The following CYP27C1 variants were observed in gnomAD, a reference collection of about 807,000 sequenced individuals.
The protein encoded by CYP27C1 is cytochrome P450 27C1.
Under a neutral mutation model 40.6 loss-of-function variants are expected in CYP27C1, and 29 were observed. The ratio of observed to expected loss-of-function variants is 0.71; its 90% CI spans 0.53 to 0.97. The LOEUF is 0.97. Among genes scored for constraint, CYP27C1 ranks in the 50% least tolerant of loss-of-function variants. The pLI is 0.00. For synonymous variants in CYP27C1, 198 were observed against 186.8 expected, an observed-to-expected ratio of 1.06 and a Z score of -0.49; for missense variants, 390 against 485.8, an observed-to-expected ratio of 0.80 and a Z score of 1.85.
rs1206033386 is a variant in CYP27C1 at position 127,183,991 on chromosome 2, A to C, written c.*3280T>G. The C allele has an allele frequency of 6.6e-6, 1 of 152,326 alleles. No individual in the cohort carries two copies. The highest frequency in any genetic ancestry group is 1.9e-4 in the East Asian group (1 of 5,196). The allele number at this position is 152,326 out of a possible 1,614,324, so 9.4% of individuals were successfully genotyped here. A position where few individuals can be genotyped will look rare whatever the true frequency, so the allele number is the denominator to read the frequency against. On this transcript the variant is annotated 3_prime_UTR_variant, in exon 9 of 9. Transcript: ENST00000664447. This position sits in a 1 kb window ranked among gnomAD's most constrained non-coding sequence, Gnocchi z 5.1. ...CCTCCCGCAGCCTCCCCACCTTCCC[A>C]CACACACAATACCCACCTCCTGCAG...
At chr2:127,188,142 T>C (rs903904521) in intron 8 of CYP27C1, among the ~76,000 whole-genome samples, 1 of 152,118 alleles carries the variant, frequency 6.6e-6, no homozygotes. Context: ...TTTCAGCCCA[T>C]TTGGAAAGGG....
chr2:127,214,837 A>T (rs1683399135), intron 1 of CYP27C1, among the ~76,000 whole-genome samples: 1 of 141,572 alleles, frequency 7.1e-6, no homozygotes, highest in South Asian at 2.2e-4. Context: ...AAAAAAAAAG[A>T]CTTAGTACAG....
chr2:127,211,664 C>T (rs1342996822), intron 1 of CYP27C1, among the ~76,000 whole-genome samples: 4 of 152,002 alleles, frequency 2.6e-5, no homozygotes, highest in Non-Finnish European at 5.9e-5. Flanking sequence ...GGATTACAGG[C>T]GTGAGCCACT....
chr2:127,215,663 C>T (rs1377205635), intron 1 of CYP27C1, among the ~76,000 whole-genome samples: 1 of 152,040 alleles, frequency 6.6e-6, no homozygotes, highest in African/African-American at 2.4e-5. Flanking sequence ...TGAGCCCAGC[C>T]TAGGCAACAT....
chr2:127,210,196 A>T (rs1056853453), intron 1 of CYP27C1, among the ~76,000 whole-genome samples: 2 of 152,232 alleles, frequency 1.3e-5, no homozygotes, highest in African/African-American at 2.4e-5. Context: ...GCCAGAAGAG[A>T]TTGGGGGCCA....
chr2:127,195,299 A>G lies in CYP27C1; in HGVS notation c.1214+36T>C. ...TGATAGAGAACCAGGGACCTAAGGG[A>G]CACAGTTTGTTGACGGATTCTGGCG... On this transcript the variant is annotated intron_variant, in intron 6 of 8. Transcript: ENST00000664447. This position sits in a 1 kb window ranked among gnomAD's most constrained non-coding sequence, Gnocchi z 6.2. 6.2e-7 allele frequency: 1 copy of G among 1,613,340 alleles called. No individual in the cohort carries two copies. The highest frequency in any genetic ancestry group is 8.5e-7 in the Non-Finnish European group (1 of 1,179,580).
At chr2:127,198,184 G>GACACACACACACAC (rs1205361557) in intron 5 of CYP27C1, among the ~76,000 whole-genome samples, 6 of 56,196 alleles carry the variant, frequency 1.1e-4, no homozygotes, top group African/African-American at 3.9e-4. Flanking sequence ...GGAATTTGTT[G>GACACACACACACAC]ATACACACAC....
At chr2:127,213,676 T>G (rs1166764344) in intron 1 of CYP27C1, among the ~76,000 whole-genome samples, 3 of 152,086 alleles carry the variant, frequency 2.0e-5, no homozygotes, top group African/African-American at 7.2e-5. Flanking sequence ...CAAGATGAAT[T>G]AAAGACTTAA....
At chr2:127,203,660 A>C (rs933476821) in intron 2 of CYP27C1, 89 bp from the exon 3 acceptor site, 1 of 1,384,850 alleles carries the variant, frequency 7.2e-7, no homozygotes, top group East Asian at 2.3e-5. Context: ...AATTTCAGCC[A>C]TAAAGAATCA....
At position 127,196,734 on chromosome 2, in the gene CYP27C1, T is replaced by C. The variant is rs748413266; in HGVS notation, c.1048-1233A>G. 2.0e-5 allele frequency among the ~76,000 whole-genome samples: 3 copies of C among 152,170 alleles called. No homozygotes were observed. The highest frequency in any genetic ancestry group is 1.5e-5 in the Non-Finnish European group (1 of 68,034). On this transcript the variant is annotated intron_variant, in intron 5 of 8. Coordinates refer to ENST00000664447, the MANE Select transcript of CYP27C1 (RefSeq NM_001367502.1). This position sits in a 1 kb window ranked among gnomAD's most constrained non-coding sequence, Gnocchi z 4.5. Reference sequence around the variant, plus strand: ...ACATTTTTATGGAAAAAATGTGGTATATCCATACAATGGAATACTACTTAG... The same window carrying C: ...ACATTTTTATGGAAAAAATGTGGTACATCCATACAATGGAATACTACTTAG...
At chr2:127,214,854 C>T (rs1206596493) in intron 1 of CYP27C1, among the ~76,000 whole-genome samples, 6 of 133,712 alleles carry the variant, frequency 4.5e-5, no homozygotes, top group African/African-American at 1.7e-4. Context: ...ACAGGCCGGG[C>T]GCAGTGGCTC....
rs1364202442 is a variant in CYP27C1 at position 127,204,528 on chromosome 2, A to G, written c.474-957T>C. Among the ~76,000 whole-genome samples the G allele has an allele frequency of 4.9e-3, 204 of 41,984 alleles. 9 individuals carry two copies. The highest frequency in any genetic ancestry group is 7.6e-3 in the Admixed American group (24 of 3,162). 27.5% of individuals were successfully genotyped at this position (41,984 alleles called of 152,430 possible). On this transcript the variant is annotated intron_variant, in intron 2 of 8. Coordinates refer to ENST00000664447, the MANE Select transcript of CYP27C1 (RefSeq NM_001367502.1). ...AGGAAAGAAAGAAGGAAAGAAAGAA[A>G]GAAAGAAAGAGAGAGAGAGAGAGAG... is the stretch of plus-strand genomic sequence containing the variant.
intron 3 of CYP27C1, among the ~76,000 whole-genome samples, chr2:127,202,945 A>T (rs941897025): frequency 3.9e-5 from 6 of 152,072 alleles, no homozygotes; most frequent in South Asian, 4.2e-4. Context: ...AAGGCGGGCG[A>T]ATCACGAGGT....
At chr2:127,189,029 G>A (rs938164622) in intron 8 of CYP27C1, among the ~76,000 whole-genome samples, 7 of 152,104 alleles carry the variant, frequency 4.6e-5, no homozygotes, top group African/African-American at 1.4e-4. Flanking sequence ...ATTCCCATGC[G>A]GTAGAGGGAA....
rs1682914335 is a variant in CYP27C1 at position 127,196,804 on chromosome 2, A to C, written c.1048-1303T>G. On this transcript the variant is annotated intron_variant, in intron 5 of 8. Transcript: ENST00000664447. This position sits in a 1 kb window ranked among gnomAD's most constrained non-coding sequence, Gnocchi z 4.5. ...ACTGTTCTATGCCACCACATGAATG[A>C]ACCTGAGTCATTCTTCTGAGTGCAG... is the stretch of plus-strand genomic sequence containing the variant. Among the ~76,000 whole-genome samples the C allele has an allele frequency of 6.6e-6, 1 of 152,238 alleles. No homozygotes were observed.
rs1683517902 is a variant in CYP27C1, at chr2:127,220,040, G to A, written c.231C>T (p.Asn77=). 6.6e-6 allele frequency: 1 copy of A among 151,888 alleles called. No individual in the cohort carries two copies. The highest frequency in any genetic ancestry group is 1.5e-5 in the Non-Finnish European group (1 of 67,934). 9.4% of individuals were successfully genotyped at this position (151,888 alleles called of 1,614,324 possible). A position where few individuals can be genotyped will look rare whatever the true frequency, so the allele number is the denominator to read the frequency against. Reference sequence around the variant, plus strand: ...CGTCCCTGCAGAAGAACTCCGCCAGGTTGGCGAGGGTCCTCGGCCCCGGCA... The same window carrying A: ...CGTCCCTGCAGAAGAACTCCGCCAGATTGGCGAGGGTCCTCGGCCCCGGCA... ...AAMPGPRTLA[N]LAEFFCRDGF... is the part of the protein sequence containing the mutation. Residue 77 remains asparagine, a synonymous_variant, in exon 1 of 9, where the codon AAC becomes AAT. Transcript: ENST00000664447. The surrounding 1 kb of genome is among the most constrained non-coding windows in gnomAD (Gnocchi z 4.6).
chr2:127,212,352 A>C (rs1374201224), intron 1 of CYP27C1, among the ~76,000 whole-genome samples: 4 of 152,238 alleles, frequency 2.6e-5, no homozygotes, highest in Admixed American at 6.5e-5. Flanking sequence ...AAAACCAGGA[A>C]GAGACAGAAT....
At position 127,208,565 on chromosome 2, in the gene CYP27C1, G is replaced by T. The variant is rs909845239; in HGVS notation, c.283-2475C>A. ...ATTTGAGCTCCTTGGGGGAGGGGCA[G>T]CAGCCAGCACTGGGACTCACAACTG... On this transcript the variant is annotated intron_variant, in intron 1 of 8. Coordinates refer to ENST00000664447, the MANE Select transcript of CYP27C1 (RefSeq NM_001367502.1). This position sits in a 1 kb window ranked among gnomAD's most constrained non-coding sequence, Gnocchi z 5.2. Among the ~76,000 whole-genome samples the T allele has an allele frequency of 2.6e-5, 4 of 152,246 alleles. No homozygotes were observed. The highest frequency in any genetic ancestry group is 9.6e-5 in the African/African-American group (4 of 41,466).
At chr2:127,204,485 A>G (rs868116530) in intron 2 of CYP27C1, among the ~76,000 whole-genome samples, 5,850 of 60,046 alleles carry the variant, frequency 0.097, 785 homozygotes, top group East Asian at 0.12. Context: ...AGAAAGAAAG[A>G]AAGGAAGGAA....
Sources: allele counts gnomAD v4.1 joint callset (sites outside exome capture counted in the v4.1 genomes callset), GRCh38; gene constraint gnomAD v4.1.1; non-coding constraint Gnocchi (gnomAD v3.1); transcripts MANE v1.5; gene names NCBI Gene and HGNC (gene_info 2026-07-23, HGNC 2026-07-21).